The following THSD7B variants were observed in gnomAD, a reference collection of about 807,000 sequenced individuals.
THSD7B encodes the protein thrombospondin type-1 domain-containing protein 7B.
THSD7B carries 138 observed loss-of-function variants against 213.6 expected under a neutral mutation model. The observed-to-expected ratio is 0.65, with a 90% CI of 0.56 to 0.74. THSD7B has a LOEUF of 0.74. THSD7B is among the 30% of genes least tolerant of loss of function. THSD7B has a pLI of 0.00. For missense variants in THSD7B, 1,931 were observed against 1,991.5 expected (o/e 0.97, Z 0.58); for synonymous variants, 742 against 687.0 (o/e 1.08, Z -1.25).
intron 15 of THSD7B, among the ~76,000 whole-genome samples, chr2:137,531,815 C>T (rs947479405): frequency 6.6e-6 from 1 of 151,898 alleles, no homozygotes; most frequent in African/African-American, 2.4e-5. Flanking sequence ...CTTAATTAAG[C>T]AGTGTTTTAA....
At chr2:137,303,550 A>T (rs191098881) in intron 12 of THSD7B, among the ~76,000 whole-genome samples, 1 of 150,924 alleles carries the variant, frequency 6.6e-6, no homozygotes, top group Non-Finnish European at 1.5e-5. Flanking sequence ...TGAGAGATAC[A>T]TTAAGAAGTT....
intron 16 of THSD7B, 90 bp downstream of exon 16, chr2:137,563,444 C>A: frequency 6.7e-7 from 1 of 1,481,736 alleles, no homozygotes; most frequent in Non-Finnish European, 9.1e-7. Flanking sequence ...TCCAAGTACA[C>A]TCTGATTTTC....
chr2:137,004,298 C>T (rs1241326206), intron 2 of THSD7B, among the ~76,000 whole-genome samples: 1 of 18,184 alleles, frequency 5.5e-5, no homozygotes, highest in Non-Finnish European at 9.7e-5. Context: ...TGCACACGTA[C>T]ACACACACAC....
chr2:137,446,994 C>T (rs1030701014), intron 14 of THSD7B, among the ~76,000 whole-genome samples: 48 of 151,984 alleles, frequency 3.2e-4, no homozygotes, highest in African/African-American at 1.1e-3. Flanking sequence ...CTTATCCATT[C>T]GAATATGAGA....
At chr2:137,334,628 T>G (rs1282581102) in intron 12 of THSD7B, among the ~76,000 whole-genome samples, 3 of 152,140 alleles carry the variant, frequency 2.0e-5, no homozygotes, top group Non-Finnish European at 1.5e-5. Flanking sequence ...ACTGACCAAA[T>G]TAGGACATCT....
At chr2:137,347,797 T>A (rs1684910270) in intron 12 of THSD7B, among the ~76,000 whole-genome samples, 1 of 151,544 alleles carries the variant, frequency 6.6e-6, no homozygotes, top group Admixed American at 6.6e-5. Context: ...ATACAGTGAC[T>A]TAAGAGTTAT....
intron 12 of THSD7B, among the ~76,000 whole-genome samples, chr2:137,302,279 G>GAA (rs11396914): frequency 6.6e-6 from 1 of 151,954 alleles, no homozygotes; most frequent in Non-Finnish European, 1.5e-5. Flanking sequence ...GGGGAAATGA[G>GAA]AAAAAAACAG....
At chr2:137,434,234 G>C (rs953113143) in intron 14 of THSD7B, among the ~76,000 whole-genome samples, 11 of 152,116 alleles carry the variant, frequency 7.2e-5, no homozygotes, top group African/African-American at 2.7e-4. Context: ...GGTATCAGGA[G>C]ACTTTTTGTC....
intron 2 of THSD7B, among the ~76,000 whole-genome samples, chr2:137,010,548 A>G (rs1178008239): frequency 6.6e-6 from 1 of 152,166 alleles, no homozygotes. Context: ...CCTGCCTCTC[A>G]GGCTGGCCTG....
intron 2 of THSD7B, among the ~76,000 whole-genome samples, chr2:137,043,061 C>T (rs1304061090): frequency 1.3e-5 from 2 of 152,094 alleles, no homozygotes; most frequent in Admixed American, 6.5e-5. Context: ...TCTGTCAGCC[C>T]CTGGGCTGGT....
intron 1 of THSD7B, among the ~76,000 whole-genome samples, chr2:136,833,237 T>G (rs1429457149): frequency 6.6e-6 from 1 of 151,730 alleles, no homozygotes; most frequent in South Asian, 2.1e-4. Context: ...TGGTGGCGGG[T>G]GCCTGTAGTC....
intron 24 of THSD7B, among the ~76,000 whole-genome samples, chr2:137,657,752 T>G (rs1424234609): frequency 6.6e-6 from 1 of 152,218 alleles, no homozygotes; most frequent in Non-Finnish European, 1.5e-5. Context: ...GCAGATACCA[T>G]TTAGCAGGCT....
intron 20 of THSD7B, among the ~76,000 whole-genome samples, chr2:137,627,685 T>G (rs1477928563): frequency 6.6e-6 from 1 of 152,180 alleles, no homozygotes; most frequent in Non-Finnish European, 1.5e-5. Context: ...CCAAAAACTG[T>G]AGCCAGGGTA....
rs148903933 is a variant in THSD7B, at chr2:136,964,194, A to G, written c.139+81877A>G. The stretch of plus-strand genomic sequence containing the variant: ...TGTTTCACTTTTTATTTTTTCTTAA[A>G]TCTTCAGCAGACTCAATTCTCCTTT... On this transcript the variant is annotated intron_variant, in intron 2 of 27. Coordinates refer to ENST00000409968, the MANE Select transcript of THSD7B (RefSeq NM_001316349.2). 3.3e-5 allele frequency among the ~76,000 whole-genome samples: 5 copies of G among 152,278 alleles called. No individual in the cohort carries two copies. In the East Asian group the frequency reaches 7.7e-4, roughly 24 times the overall value.
At chr2:137,408,921 G>A (rs1190294757) in intron 13 of THSD7B, among the ~76,000 whole-genome samples, 1 of 152,196 alleles carries the variant, frequency 6.6e-6, no homozygotes, top group East Asian at 1.9e-4. Context: ...GGTAGAAATT[G>A]TGGAAATTTC....
intron 2 of THSD7B, among the ~76,000 whole-genome samples, chr2:136,975,437 T>C (rs1685465411): frequency 6.6e-6 from 1 of 152,224 alleles, no homozygotes; most frequent in Non-Finnish European, 1.5e-5. Flanking sequence ...ATTTATTGAA[T>C]AGGGGATGCT....
intron 21 of THSD7B, among the ~76,000 whole-genome samples, chr2:137,643,698 C>T (rs1682978325): frequency 6.6e-6 from 1 of 151,986 alleles, no homozygotes; most frequent in Non-Finnish European, 1.5e-5. Context: ...ACTGCTTTGA[C>T]AGAATAGAGA....
chr2:137,035,155 C>CT (rs915147149), intron 2 of THSD7B, among the ~76,000 whole-genome samples: 8 of 151,958 alleles, frequency 5.3e-5, no homozygotes, highest in African/African-American at 1.9e-4. Context: ...TATCGTTTCC[C>CT]TTTTTTTGGA....
intron 20 of THSD7B, among the ~76,000 whole-genome samples, chr2:137,627,441 G>A (rs1251602703): frequency 3.2e-4 from 48 of 152,206 alleles, no homozygotes; most frequent in Admixed American, 3.1e-3. Flanking sequence ...TGGGATACCA[G>A]GACCTGGATC....
Sources: gnomAD v4.1 joint callset for allele counts (sites outside exome capture counted in the v4.1 genomes callset) on GRCh38, gnomAD v4.1.1 for gene constraint, MANE v1.5 for transcripts, NCBI Gene and HGNC (gene_info 2026-07-23, HGNC 2026-07-21) for gene names.